RAB38: variants seen among roughly 807,000 people sequenced by gnomAD.
RAB38 encodes the protein ras-related protein Rab-38.
Under a neutral mutation model 18.4 loss-of-function variants are expected in RAB38, and 15 were observed. That is an observed-to-expected ratio of 0.82 (90% CI 0.55 to 1.26). The LOEUF (loss-of-function observed/expected upper bound fraction) is 1.26. Ranked by LOEUF, RAB38 falls within the 50% of genes most tolerant of loss-of-function variation. RAB38 has a pLI of 0.00. For missense variants in RAB38, 294 were observed against 267.4 expected (o/e 1.10, Z -0.69); for synonymous variants, 101 against 104.4 (o/e 0.97, Z 0.20).
chr11:87,933,581 T>C, the RAB38 span, among the ~76,000 whole-genome samples: 3,537 of 152,032 alleles, frequency 0.023, 138 homozygotes, highest in African/African-American at 0.081. Flanking sequence ...GCTTCCTTGG[T>C]GTCTCTGGGC....
chr11:87,932,802 G>A, the RAB38 span, among the ~76,000 whole-genome samples: 1 of 152,064 alleles, frequency 6.6e-6, no homozygotes, highest in Non-Finnish European at 1.5e-5. Flanking sequence ...TGGCAGCTGT[G>A]TCCCAGGCTT....
At chr11:88,052,194 G>A in the RAB38 span, among the ~76,000 whole-genome samples, 1 of 151,934 alleles carries the variant, frequency 6.6e-6, no homozygotes, top group Admixed American at 6.6e-5. Context: ...GATGAATAGA[G>A]AATAGAAGAA....
At chr11:87,855,864 T>A in the RAB38 span, among the ~76,000 whole-genome samples, 1 of 152,092 alleles carries the variant, frequency 6.6e-6, no homozygotes, top group Non-Finnish European at 1.5e-5. Context: ...TGGTATTTTT[T>A]AAAAAGCTCT....
At chr11:88,102,687 T>A in the RAB38 span, among the ~76,000 whole-genome samples, 1 of 152,032 alleles carries the variant, frequency 6.6e-6, no homozygotes, top group Admixed American at 6.6e-5. Context: ...AGCATGAATA[T>A]TAAGTAATAA....
the RAB38 span, among the ~76,000 whole-genome samples, chr11:87,882,207 C>A: frequency 6.6e-6 from 1 of 151,842 alleles, no homozygotes; most frequent in Non-Finnish European, 1.5e-5. Context: ...ATAGGCCCAT[C>A]ATTAGCAAAA....
the RAB38 span, among the ~76,000 whole-genome samples, chr11:87,881,104 C>T: frequency 6.6e-6 from 1 of 151,816 alleles, no homozygotes; most frequent in East Asian, 2.0e-4. Context: ...CTTGGACTCT[C>T]AAATTGCTGG....
At chr11:88,041,144 A>G in the RAB38 span, among the ~76,000 whole-genome samples, 1 of 152,172 alleles carries the variant, frequency 6.6e-6, no homozygotes, top group African/African-American at 2.4e-5. Context: ...GTACTCCAAG[A>G]TAGTGAAATA....
chr11:88,126,659 C>A (rs1267643575), intron 2 of RAB38, among the ~76,000 whole-genome samples: 1 of 151,304 alleles, frequency 6.6e-6, no homozygotes, highest in Non-Finnish European at 1.5e-5. Flanking sequence ...ATGCAACAAA[C>A]CTGCACATTG....
chr11:87,852,510 A>G, the RAB38 span, among the ~76,000 whole-genome samples: 5 of 152,156 alleles, frequency 3.3e-5, no homozygotes, highest in Non-Finnish European at 5.9e-5. Context: ...GTTTCTGGCC[A>G]TAATGTATCT....
the RAB38 span, among the ~76,000 whole-genome samples, chr11:88,072,685 C>G: frequency 4.0e-5 from 6 of 151,882 alleles, no homozygotes; most frequent in African/African-American, 1.5e-4. Flanking sequence ...ACATTTTAAA[C>G]TGAATATTTA....
the RAB38 span, among the ~76,000 whole-genome samples, chr11:87,941,168 G>A: frequency 1.4e-4 from 18 of 125,578 alleles, no homozygotes; most frequent in East Asian, 1.5e-3. Context: ...ACTCTTTATC[G>A]TATGTATTTT....
the RAB38 span, among the ~76,000 whole-genome samples, chr11:87,896,887 C>G: frequency 1.3e-5 from 2 of 151,654 alleles, no homozygotes; most frequent in Non-Finnish European, 3.0e-5. Context: ...TCTTCTTCCA[C>G]TCTGCATTCA....
chr11:88,029,577 G>C, the RAB38 span, among the ~76,000 whole-genome samples: 1 of 152,072 alleles, frequency 6.6e-6, no homozygotes, highest in Non-Finnish European at 1.5e-5. Flanking sequence ...AGGGTTTGCA[G>C]TCCTAGTCTC....
chr11:88,115,060 C>A (rs1359815476), intron 2 of RAB38, among the ~76,000 whole-genome samples: 1 of 152,140 alleles, frequency 6.6e-6, no homozygotes, highest in Non-Finnish European at 1.5e-5. Context: ...TAAAATATGT[C>A]AGTAGTATAA....
the RAB38 span, among the ~76,000 whole-genome samples, chr11:88,062,411 C>G: frequency 1.3e-5 from 2 of 152,192 alleles, no homozygotes; most frequent in Non-Finnish European, 2.9e-5. Flanking sequence ...AAATGTTAGT[C>G]AATTAAACCT....
chr11:87,900,924 T>A, the RAB38 span, among the ~76,000 whole-genome samples: 12 of 151,738 alleles, frequency 7.9e-5, no homozygotes, highest in East Asian at 2.3e-3. Flanking sequence ...CTCATGCATG[T>A]TTTACTCTTG....
At chr11:87,837,258 G>A in the RAB38 span, among the ~76,000 whole-genome samples, 3 of 152,146 alleles carry the variant, frequency 2.0e-5, no homozygotes, top group Non-Finnish European at 4.4e-5. Context: ...CCCCATGTTA[G>A]CACATATATG....
the RAB38 span, among the ~76,000 whole-genome samples, chr11:88,028,972 C>T: frequency 2.0e-5 from 3 of 151,978 alleles, no homozygotes; most frequent in Non-Finnish European, 4.4e-5. Context: ...TTAAGGGCAG[C>T]CAGAGAGAAA....
rs139408318 is a variant in RAB38 at position 88,132,350 on chromosome 11, C to T, written c.483+17325G>A. Among the ~76,000 whole-genome samples the T allele has an allele frequency of 4.5e-3, 688 of 152,268 alleles. 15 individuals carry two copies. The highest frequency in any genetic ancestry group is 0.017 in the Middle Eastern group (5 of 294). On this transcript the variant is annotated intron_variant, in intron 2 of 2. Transcript: ENST00000243662. ...CTGCAGTTCCAGCCCTGGGTACATACCTCAAGACTTGTTTCATGCTATAAA... is the reference window on the plus strand; with the variant it reads ...CTGCAGTTCCAGCCCTGGGTACATATCTCAAGACTTGTTTCATGCTATAAA...
Sources: gnomAD v4.1 joint callset for allele counts (sites outside exome capture counted in the v4.1 genomes callset) on GRCh38, gnomAD v4.1.1 for gene constraint, MANE v1.5 for transcripts, NCBI Gene and HGNC (gene_info 2026-07-23, HGNC 2026-07-21) for gene names.